ANO5: variants seen among roughly 807,000 people sequenced by gnomAD.
The protein encoded by ANO5 is anoctamin 5.
Under a neutral mutation model 121.0 loss-of-function variants are expected in ANO5, and 109 were observed. That is an observed-to-expected ratio of 0.90 (90% CI 0.77 to 1.06). ANO5 has a LOEUF of 1.06. Ranked by LOEUF, ANO5 falls within the 50% of genes least tolerant of loss-of-function variation. ANO5 has a pLI of 0.00. For missense variants in ANO5, 1,064 were observed against 1,078.5 expected (o/e 0.99, Z 0.19); for synonymous variants, 406 against 359.9 (o/e 1.13, Z -1.45).
rs971438427 is a variant in ANO5, at chr11:22,250,795, T to C, written c.1068T>C (p.Cys356=). ...GTCAGATGATCATGTGCCCACTCTGTGATCAAGTGTGTGATTATTGGAGAC... is the reference window on the plus strand; with the variant it reads ...GTCAGATGATCATGTGCCCACTCTGCGATCAAGTGTGTGATTATTGGAGAC... ...IGGQMIMCPL[C]DQVCDYWRLN... Residue 356 remains cysteine (C), a synonymous_variant, in exon 11 of 22, where the codon TGT becomes TGC. Coordinates refer to ENST00000324559, the MANE Select transcript of ANO5 (RefSeq NM_213599.3). The C allele has an allele frequency of 6.2e-6, 10 of 1,613,996 alleles. No individual in the cohort carries two copies. In the African/African-American group the frequency reaches 1.2e-4, roughly 19 times the overall value.
rs767517187 is a variant in ANO5 at position 22,250,379 on chromosome 11, C to T, written c.1013+8C>T. On this transcript the variant is annotated splice_region_variant and intron_variant, in intron 10 of 21. Coordinates refer to ENST00000324559, the MANE Select transcript of ANO5 (RefSeq NM_213599.3). ...GGAACATAACACAAGCAGGTAAGTGCACCTGAGTTGCCCAGATAGAGAAAA... is the reference window on the plus strand; with the variant it reads ...GGAACATAACACAAGCAGGTAAGTGTACCTGAGTTGCCCAGATAGAGAAAA... 1.2e-6 allele frequency: 2 copies of T among 1,613,382 alleles called. No individual in the cohort carries two copies. The highest frequency in any genetic ancestry group is 8.5e-7 in the Non-Finnish European group (1 of 1,179,632).
chr11:22,268,694 G>T (rs1428921540), intron 17 of ANO5, among the ~76,000 whole-genome samples: 1 of 152,096 alleles, frequency 6.6e-6, no homozygotes, highest in Non-Finnish European at 1.5e-5. Flanking sequence ...GATTCTAAAG[G>T]AAATGCTTCA....
chr11:22,215,888 C>T (rs1852426433), intron 3 of ANO5, among the ~76,000 whole-genome samples: 1 of 151,876 alleles, frequency 6.6e-6, no homozygotes. Context: ...TGGAATTTTA[C>T]AGTATACACT....
intron 6 of ANO5, among the ~76,000 whole-genome samples, chr11:22,226,671 C>T (rs7940039): frequency 0.14 from 21,020 of 151,982 alleles, 4,199 homozygotes; most frequent in African/African-American, 0.44. Flanking sequence ...GGTTGTGCTG[C>T]TGCACTCCAG....
intron 21 of ANO5, 108 bp downstream of exon 21, chr11:22,276,307 T>C: frequency 1.1e-6 from 1 of 887,748 alleles, no homozygotes; most frequent in South Asian, 1.4e-5. Flanking sequence ...TAAACTGTCT[T>C]GAAGGAAGTA....
chr11:22,193,617 G>A, intron 1 of ANO5, 85 bp downstream of exon 1: 1 of 1,516,884 alleles, frequency 6.6e-7, no homozygotes, highest in Admixed American at 1.9e-5. Flanking sequence ...CCCGGGGGAC[G>A]TTGGCGGCCC....
At chr11:22,250,592 G>T in intron 10 of ANO5, 149 bp from the exon 11 acceptor site, 1 of 1,021,144 alleles carries the variant, frequency 9.8e-7, no homozygotes, top group Non-Finnish European at 1.5e-6. Context: ...ACTCCTCAAA[G>T]CATGACTTGA....
At chr11:22,277,117 T>C (rs539444660) in intron 21 of ANO5, among the ~76,000 whole-genome samples, 1 of 151,576 alleles carries the variant, frequency 6.6e-6, no homozygotes, top group Non-Finnish European at 1.5e-5. Flanking sequence ...CATTTTGCAG[T>C]TATATATTTT....
At position 22,250,306 on chromosome 11, in the gene ANO5, T is replaced by C. The variant is rs749190370; in HGVS notation, c.948T>C (p.Phe316=). 6.2e-7 allele frequency: 1 copy of C among 1,612,724 alleles called. No individual in the cohort carries two copies. Residue 316 remains phenylalanine, a synonymous_variant, in exon 10 of 22, where the codon TTT becomes TTC. Transcript: ENST00000324559. ...GATTTTACACAGAAATGCTATTCTT[T>C]GCAGCTGTAGTTGGCTTAGCTTGTT... ...FLGFYTEMLF[F]AAVVGLACFI... is the part of the protein sequence containing the mutation.
intron 7 of ANO5, among the ~76,000 whole-genome samples, chr11:22,230,233 C>T (rs1199006873): frequency 6.6e-6 from 1 of 151,788 alleles, no homozygotes; most frequent in Non-Finnish European, 1.5e-5. Context: ...TTAAATTGAA[C>T]ATATGGCCAA....
upstream of ANO5, chr11:22,193,065 A>G (rs1851695695): frequency 9.7e-7 from 1 of 1,029,324 alleles, no homozygotes; most frequent in Non-Finnish European, 1.2e-6. Context: ...GGGAAAGGAA[A>G]GCTGCCAGAG....
At chr11:22,252,187 CAAAG>C (rs765785849) in intron 12 of ANO5, among the ~76,000 whole-genome samples, 43 of 151,826 alleles carry the variant, frequency 2.8e-4, no homozygotes, top group Non-Finnish European at 5.7e-4. Flanking sequence ...AGCCTAGATT[CAAAG>C]AAAGAATAAA....
In ANO5 at chr11:22,279,833, C is replaced by G. The variant is rs542423260; in HGVS notation, c.*68C>G. 3.7e-5 allele frequency: 48 copies of G among 1,313,376 alleles called. No individual in the cohort carries two copies. Among genetic ancestry groups the G allele is most frequent in the African/African-American group, 7.4e-5 (5 of 67,470 alleles). 81.4% of individuals were successfully genotyped at this position (1,313,376 alleles called of 1,614,324 possible). The stretch of plus-strand genomic sequence containing the variant: ...TTTATCCTCTGGTTTTAGGGCCAGA[C>G]GCCAGAAGCCATGTGTCAATTTTAC... On this transcript the variant is annotated 3_prime_UTR_variant, in exon 22 of 22. Transcript: ENST00000324559.
intron 4 of ANO5, among the ~76,000 whole-genome samples, chr11:22,219,475 G>T (rs1032559538): frequency 2.6e-5 from 4 of 151,844 alleles, no homozygotes; most frequent in African/African-American, 4.8e-5. Context: ...ATTAGTTTTT[G>T]AAAACAAAGC....
intron 21 of ANO5, among the ~76,000 whole-genome samples, 184 bp downstream of exon 21, chr11:22,276,383 CTTA>C (rs971965242): frequency 2.6e-5 from 4 of 151,760 alleles, no homozygotes; most frequent in East Asian, 1.9e-4. Flanking sequence ...CTATTATTCA[CTTA>C]TTATTGTTGA....
intron 21 of ANO5, 132 bp from the exon 22 acceptor site, chr11:22,279,412 A>G (rs1471875153): frequency 4.1e-6 from 3 of 730,652 alleles, no homozygotes; most frequent in East Asian, 2.7e-5. Context: ...GACAGAGACC[A>G]TATCTTCTTC....
At chr11:22,224,684 A>T (rs1454124602) in intron 5 of ANO5, among the ~76,000 whole-genome samples, 1 of 152,106 alleles carries the variant, frequency 6.6e-6, no homozygotes, top group South Asian at 2.1e-4. Flanking sequence ...CTTGTGTAAG[A>T]CCAGGCAATT....
intron 17 of ANO5, among the ~76,000 whole-genome samples, chr11:22,266,787 TTC>T (rs1350446275): frequency 6.6e-6 from 1 of 152,176 alleles, no homozygotes; most frequent in Non-Finnish European, 1.5e-5. Flanking sequence ...ACTGATATAA[TTC>T]TTAGTTGTGG....
chr11:22,227,798 G>A (rs1333112730), intron 7 of ANO5, among the ~76,000 whole-genome samples: 1 of 152,078 alleles, frequency 6.6e-6, no homozygotes, highest in Non-Finnish European at 1.5e-5. Flanking sequence ...AAAGTGAGTG[G>A]TTGATGGTAT....
Sources: gnomAD v4.1 joint callset for allele counts (sites outside exome capture counted in the v4.1 genomes callset) on GRCh38, gnomAD v4.1.1 for gene constraint, MANE v1.5 for transcripts, NCBI Gene and HGNC (gene_info 2026-07-23, HGNC 2026-07-21) for gene names.